Variants in GCN1 observed in about 807,000 individuals in gnomAD.
GCN1 encodes the protein stalled ribosome sensor GCN1.
In GCN1, 90 loss-of-function variants were observed where a neutral mutation model predicts 288.4. That is an observed-to-expected ratio of 0.31 (90% CI 0.26 to 0.37). The LOEUF is 0.37. GCN1 is among the 10% of genes least tolerant of loss of function. The pLI is 1.00. For synonymous variants in GCN1, 1,386 were observed against 1,420.2 expected, an observed-to-expected ratio of 0.98 and a Z score of 0.54; for missense variants, 2,586 against 3,419.9, an observed-to-expected ratio of 0.76 and a Z score of 6.08.
Position 120,156,782 on chromosome 12 carries a change from TA to T in GCN1, c.3168+129del. 1.1e-6 allele frequency: 1 copy of T among 908,144 alleles called. No individual in the cohort carries two copies. Among genetic ancestry groups the T allele is most frequent in the South Asian group, 1.5e-5 (1 of 67,708 alleles). 56.3% of individuals were successfully genotyped at this position (908,144 alleles called of 1,614,324 possible). Reference sequence around the variant, plus strand: ...GCTAACAACAGTCAGGCTGGCTCTCTAAAGCAGTCTTTCTACCAAAGTCCAA... The same window carrying T: ...GCTAACAACAGTCAGGCTGGCTCTCTAAGCAGTCTTTCTACCAAAGTCCAA... On this transcript the variant is annotated intron_variant, in intron 27 of 57. Coordinates refer to ENST00000300648, the MANE Select transcript of GCN1 (RefSeq NM_006836.2). This position sits in a 1 kb window ranked among gnomAD's most constrained non-coding sequence, Gnocchi z 5.8.
intron 34 of GCN1, among the ~76,000 whole-genome samples, chr12:120,150,522 GAGGTGAAGATTGC>G (rs924566144): frequency 2.6e-5 from 4 of 151,984 alleles, no homozygotes; most frequent in Non-Finnish European, 5.9e-5. Flanking sequence ...TTGAACCCAG[GAGGTGAAGATTGC>G]AGTGAGCCGA....
chr12:120,175,323 A>G (rs1878446684), intron 11 of GCN1, 111 bp from the exon 12 acceptor site: 1 of 1,026,562 alleles, frequency 9.7e-7, no homozygotes, highest in Non-Finnish European at 1.5e-6. Context: ...TTCCAGAAGT[A>G]GCCTTTGTGT....
At position 120,129,361 on chromosome 12, in the gene GCN1, T is replaced by C. The variant is rs1358019405; in HGVS notation, c.7805A>G (p.Lys2602Arg). The C allele has an allele frequency of 1.2e-6, 2 of 1,614,106 alleles. No individual in the cohort carries two copies. The highest frequency in any genetic ancestry group is 1.7e-6 in the Non-Finnish European group (2 of 1,179,954). ...PILKALLDNT[K>R]DKNTVVRAYS... ...GGCCCTGACCACGGTGTTCTTATCC[T>C]TGGTGTTGTCAAGAAGAGCCTTCAG... The change falls in exon 57 of 58, where the codon AAG (lysine) becomes AGG (arginine). Residue 2602 changes from lysine to arginine, a missense_variant. Lys to Arg is a conservative substitution (Grantham distance 26, BLOSUM62 2). This residue lies in a region of GCN1 where 355 missense variants were observed against 431.1 expected (regional missense o/e 0.82). Transcript: ENST00000300648.
Position 120,127,794 on chromosome 12 carries a change from A to G in GCN1, c.*55T>C, listed in dbSNP as rs1876663777. 28 of 1,581,896 alleles carry G rather than the reference A, an allele frequency of 1.8e-5. No individual in the cohort carries two copies. The highest frequency in any genetic ancestry group is 2.3e-5 in the Non-Finnish European group (27 of 1,158,158). ...CATTGGAACAAATGTATTTTCAAAA[A>G]TGAAAACATTGAGCAAAGATGTGGA... On this transcript the variant is annotated 3_prime_UTR_variant, in exon 58 of 58. Transcript: ENST00000300648.
rs112562164 is a variant in GCN1 at position 120,157,005 on chromosome 12, G to A, written c.3088-13C>T. The A allele has an allele frequency of 5.5e-3, 8,741 of 1,599,796 alleles. 42 individuals carry two copies. Among genetic ancestry groups the A allele is most frequent in the Middle Eastern group, 0.024 (145 of 6,036 alleles). ...ACTCCGGGCCATTCTAGGAGAGAAC[G>A]GCAGGTAAGTCGAGATGAGGCTGTG... On this transcript the variant is annotated splice_polypyrimidine_tract_variant and intron_variant, in intron 26 of 57. Transcript: ENST00000300648.
chr12:120,136,723 AGGTCACTCC>A lies in GCN1; in HGVS notation c.6778_6786del (p.Gly2260_Thr2262del). The A allele has an allele frequency of 6.2e-7, 1 of 1,612,688 alleles. No homozygotes were observed. The highest frequency in any genetic ancestry group is 8.5e-7 in the Non-Finnish European group (1 of 1,179,044). On this transcript the variant is annotated inframe_deletion and splice_region_variant, in exon 51 of 58. Coordinates refer to ENST00000300648, the MANE Select transcript of GCN1 (RefSeq NM_006836.2). ...CCTTCCCGCAACACTGGAAGGATGG[AGGTCACTCC>A]CTGACAAGAGAACCACAACTGAGAG... is the stretch of plus-strand genomic sequence containing the variant.
At chr12:120,178,340 G>A (rs1312196752) in intron 7 of GCN1, among the ~76,000 whole-genome samples, 2 of 152,246 alleles carry the variant, frequency 1.3e-5, no homozygotes, top group South Asian at 2.1e-4. Context: ...CCCCAACACC[G>A]AGCACAGTGC....
At position 120,136,605 on chromosome 12, in the gene GCN1, G is replaced by A. The variant is rs370364196; in HGVS notation, c.6905C>T (p.Ser2302Phe). Reference sequence around the variant, plus strand: ...CAGAGGGCCAGTGATGCTGACCACGGAGGGCCTCAGGGCGTCAGCCGAGGT... The same window carrying A: ...CAGAGGGCCAGTGATGCTGACCACGAAGGGCCTCAGGGCGTCAGCCGAGGT... ...RLTSADALRP[S>F]VVSITGPLIR... Residue 2302 changes from serine (S) to phenylalanine (F), a missense_variant, in exon 51 of 58, where the codon TCC (serine) becomes TTC (phenylalanine). By Grantham distance (155) the Ser-to-Phe change is radical. This residue lies in a region of GCN1 where 437 missense variants were observed against 570.5 expected (regional missense o/e 0.77). Transcript: ENST00000300648. 16 of 1,614,172 alleles carry A rather than the reference G, an allele frequency of 9.9e-6. No homozygotes were observed. The highest frequency in any genetic ancestry group is 1.3e-5 in the Non-Finnish European group (15 of 1,179,992).
intron 16 of GCN1, 100 bp from the exon 17 acceptor site, chr12:120,164,821 C>A (rs1335538596): frequency 5.5e-6 from 4 of 721,996 alleles, no homozygotes; most frequent in Non-Finnish European, 9.4e-6. Context: ...AAAATTAACA[C>A]CAAAATATAA....
Position 120,164,442 on chromosome 12 carries a change from CG to C in GCN1, c.1741del (p.Arg581AlafsTer28), listed in dbSNP as rs1566310972. ...CCGAACTGTCTGCTGAGCCTGCCTG[CG>C]GACGTGCCAGGTGCGGCTCAGGAGC... is the stretch of plus-strand genomic sequence containing the variant. The part of the protein sequence containing the change: ...AVLLSRTWHV[R>X]RQAQQTVRKL... On this transcript the variant is annotated frameshift_variant, in exon 18 of 58. Coordinates refer to ENST00000300648, the MANE Select transcript of GCN1 (RefSeq NM_006836.2). LOFTEE classifies it high-confidence loss of function. 6.2e-7 allele frequency: 1 copy of C among 1,614,154 alleles called. No homozygotes were observed. Among genetic ancestry groups the C allele is most frequent in the Non-Finnish European group, 8.5e-7 (1 of 1,180,004 alleles).
At chr12:120,184,299 G>A in intron 3 of GCN1, 56 bp from the exon 4 acceptor site, 2 of 1,534,020 alleles carry the variant, frequency 1.3e-6, no homozygotes, top group African/African-American at 1.4e-5. Context: ...AGAGGCAGGG[G>A]CAAGGCTGCT....
rs1465536032 is a variant in GCN1, at chr12:120,176,156, C to T, written c.900G>A (p.Val300=). The change falls in exon 10 of 58, where the codon GTG becomes GTA. Residue 300 remains valine (V), a synonymous_variant. Coordinates refer to ENST00000300648, the MANE Select transcript of GCN1 (RefSeq NM_006836.2). ...TGGGATACTCACCAGCCAGTCCTTT[C>T]ACGATGTCCATGGCATACTGGCTGA... ...LDLSQYAMDI[V]KGLAGHLKSN... The T allele has an allele frequency of 1.2e-5, 19 of 1,609,354 alleles. No individual in the cohort carries two copies. Among genetic ancestry groups the T allele is most frequent in the Non-Finnish European group, 1.6e-5 (19 of 1,175,762 alleles).
chr12:120,172,470 G>T (rs1878342106), intron 14 of GCN1, among the ~76,000 whole-genome samples: 1 of 152,186 alleles, frequency 6.6e-6, no homozygotes, highest in Admixed American at 6.5e-5. Context: ...TCACACAGAA[G>T]GGGGTCCCCT....
intron 1 of GCN1, among the ~76,000 whole-genome samples, chr12:120,192,933 A>G (rs1222051084): frequency 6.7e-6 from 1 of 149,576 alleles, no homozygotes; most frequent in South Asian, 2.1e-4. Context: ...CTACTCGGGA[A>G]GCTGAGGCAG....
In GCN1 at chr12:120,173,656, G is replaced by A. The variant is rs1301574257; in HGVS notation, c.1363C>T (p.Arg455Trp). 3.8e-6 allele frequency: 6 copies of A among 1,599,582 alleles called. No individual in the cohort carries two copies. Among genetic ancestry groups the A allele is most frequent in the South Asian group, 1.1e-5 (1 of 90,716 alleles). The change falls in exon 14 of 58, where the codon CGG (arginine) becomes TGG (tryptophan). Residue 455 changes from arginine (R) to tryptophan (W), a missense_variant. Physicochemically the swap from Arg to Trp is moderately radical, Grantham distance 101 (BLOSUM62 -3). Transcript: ENST00000300648. The stretch of plus-strand genomic sequence containing the variant: ...CTAGCCCTGGGAGTTGTCTTACCCC[G>A]GTAAGAGGCCAACATGCACTGCAGG... ...AYLQCMLASY[R>W]GDTLLQALDL...
At chr12:120,140,269 G>A (rs1877146568) in intron 45 of GCN1, among the ~76,000 whole-genome samples, 1 of 152,116 alleles carries the variant, frequency 6.6e-6, no homozygotes, top group South Asian at 2.1e-4. Context: ...GTGCCTAAAA[G>A]CACTCCTAAC....
intron 42 of GCN1, among the ~76,000 whole-genome samples, chr12:120,143,845 T>C (rs1175642915): frequency 1.3e-5 from 2 of 152,300 alleles, no homozygotes; most frequent in Admixed American, 6.5e-5. Flanking sequence ...AATAAAGACA[T>C]TGCTACAGGA....
In GCN1 at chr12:120,155,437, G is replaced by A. The variant is rs1877713433; in HGVS notation, c.3441-7C>T. Reference sequence around the variant, plus strand: ...GCCCATCATTGACCAGAGCCTGTGGGAGATCCAAGGCAGGGGCTGCTTAGA... The same window carrying A: ...GCCCATCATTGACCAGAGCCTGTGGAAGATCCAAGGCAGGGGCTGCTTAGA... On this transcript the variant is annotated splice_region_variant and splice_polypyrimidine_tract_variant and intron_variant, in intron 29 of 57. Transcript: ENST00000300648. This position sits in a 1 kb window ranked among gnomAD's most constrained non-coding sequence, Gnocchi z 4.9. 1 of 1,612,322 alleles carries A rather than the reference G, an allele frequency of 6.2e-7. No homozygotes were observed. Among genetic ancestry groups the A allele is most frequent in the Non-Finnish European group, 8.5e-7 (1 of 1,178,996 alleles).
Position 120,156,542 on chromosome 12 carries a change from G to A in GCN1, c.3231C>T (p.Ala1077=). 6.2e-7 allele frequency: 1 copy of A among 1,613,940 alleles called. No homozygotes were observed. The highest frequency in any genetic ancestry group is 1.1e-5 in the South Asian group (1 of 91,074). The change falls in exon 28 of 58, where the codon GCC becomes GCT. Residue 1077 remains alanine (A), a synonymous_variant. Coordinates refer to ENST00000300648, the MANE Select transcript of GCN1 (RefSeq NM_006836.2). This position sits in a 1 kb window ranked among gnomAD's most constrained non-coding sequence, Gnocchi z 5.8. ...CGTCCACCTCCTCCTGCTCTGCAAA[G>A]GCACAGCCATCATCACCACTGCTGC... ...CASSSGDDGC[A]FAEQEEVDVL...
Sources: gnomAD v4.1 joint callset for allele counts (sites outside exome capture counted in the v4.1 genomes callset) on GRCh38, gnomAD v4.1.1 for gene constraint, gnomAD v4.1.1 regional missense constraint, Gnocchi (gnomAD v3.1) non-coding constraint, MANE v1.5 for transcripts, NCBI Gene and HGNC (gene_info 2026-07-23, HGNC 2026-07-21) for gene names.